The following PERP variants were observed in gnomAD, a reference collection of about 807,000 sequenced individuals.
PERP encodes the protein p53 apoptosis effector related to PMP22.
Under a neutral mutation model 20.3 loss-of-function variants are expected in PERP, and 11 were observed. The observed-to-expected ratio is 0.54, with a 90% confidence interval of 0.34 to 0.90. The LOEUF (loss-of-function observed/expected upper bound fraction) is 0.90, where lower values mean the gene tolerates loss of function less well. Among genes scored for constraint, PERP ranks in the 40% least tolerant of loss-of-function variants. PERP has a pLI of 0.02. For synonymous variants in PERP, 101 were observed against 102.0 expected (o/e 0.99, Z 0.06); for missense variants, 224 against 249.4 (o/e 0.90, Z 0.69).
chr6:138,103,332 A>G (rs1473975359), intron 1 of PERP, among the ~76,000 whole-genome samples: 2 of 151,726 alleles, frequency 1.3e-5, no homozygotes, highest in African/African-American at 4.8e-5. Context: ...TTGTATTTTT[A>G]GTAGAGACGG....
rs764198856 is a variant in PERP, at chr6:138,107,380, C to G, written c.-40G>C. 35 of 1,478,800 alleles carry G rather than the reference C, an allele frequency of 2.4e-5. No homozygotes were observed. In the South Asian group the frequency reaches 4.7e-4, roughly 20 times the overall value. The allele number at this position is 1,478,800 out of a possible 1,614,324, so 91.6% of individuals were successfully genotyped here. On this transcript the variant is annotated 5_prime_UTR_variant, in exon 1 of 3. Coordinates refer to ENST00000421351, the MANE Select transcript of PERP (RefSeq NM_022121.5). The surrounding 1 kb of genome is among the most constrained non-coding windows in gnomAD (Gnocchi z 4.8). ...CGGGGCCGAGCGGAGCGGAGCGGAG[C>G]GGGTCGGAGGAGCGCGCGGGACGGG... is the stretch of plus-strand genomic sequence containing the variant.
chr6:138,090,378 G>A lies in PERP; in HGVS notation c.*1664C>T, dbSNP rs537366526. 176 of 152,256 alleles carry A rather than the reference G, an allele frequency of 1.2e-3. No homozygotes were observed. The highest frequency in any genetic ancestry group is 4.0e-3 in the African/African-American group (165 of 41,518). The allele number at this position is 152,256 out of a possible 1,614,324, so 9.4% of individuals were successfully genotyped here. On this transcript the variant is annotated 3_prime_UTR_variant, in exon 3 of 3. Coordinates refer to ENST00000421351, the MANE Select transcript of PERP (RefSeq NM_022121.5). ...ATAACAAATGATAAAATGGGAAGGA[G>A]GGCAAGGGGAAAATAGAGAGACTGC...
In PERP at chr6:138,091,934, A is replaced by G; in HGVS notation, c.*108T>C. On this transcript the variant is annotated 3_prime_UTR_variant, in exon 3 of 3. Transcript: ENST00000421351. Reference sequence around the variant, plus strand: ...TATTTTAGCATTTTTGACTAGTTTAATAATATGAACACTGCCAAAAAATGG... The same window carrying G: ...TATTTTAGCATTTTTGACTAGTTTAGTAATATGAACACTGCCAAAAAATGG... 1 of 918,782 alleles carries G rather than the reference A, an allele frequency of 1.1e-6. No individual in the cohort carries two copies. Among genetic ancestry groups the G allele is most frequent in the South Asian group, 1.8e-5 (1 of 55,160 alleles). The allele number at this position is 918,782 out of a possible 1,614,324, so 56.9% of individuals were successfully genotyped here. A position where few individuals can be genotyped will look rare whatever the true frequency, so the allele number is the denominator to read the frequency against.
At position 138,088,547 on chromosome 6, in the gene PERP, T is replaced by A. The variant is rs1389828521; in HGVS notation, c.*3495A>T. ...ATTTTTGCAGCCAACAAAGTATGTTTTCGAGGTTAACAACGAAGCACAGGA... is the reference window on the plus strand; with the variant it reads ...ATTTTTGCAGCCAACAAAGTATGTTATCGAGGTTAACAACGAAGCACAGGA... On this transcript the variant is annotated 3_prime_UTR_variant, in exon 3 of 3. Coordinates refer to ENST00000421351, the MANE Select transcript of PERP (RefSeq NM_022121.5). 6.6e-6 allele frequency: 1 copy of A among 152,200 alleles called. No homozygotes were observed. The highest frequency in any genetic ancestry group is 1.9e-4 in the East Asian group (1 of 5,190). 9.4% of individuals were successfully genotyped at this position (152,200 alleles called of 1,614,324 possible). A position where few individuals can be genotyped will look rare whatever the true frequency, so the allele number is the denominator to read the frequency against.
rs1017787978 is a variant in PERP at position 138,089,121 on chromosome 6, A to G, written c.*2921T>C. The stretch of plus-strand genomic sequence containing the variant: ...TCATTTTACAGGTGAGGATATTGAG[A>G]CCAGCAGGGAGATGACCTGCCCAAG... On this transcript the variant is annotated 3_prime_UTR_variant, in exon 3 of 3. Transcript: ENST00000421351. 1 of 152,200 alleles carries G rather than the reference A, an allele frequency of 6.6e-6. No homozygotes were observed. Among genetic ancestry groups the G allele is most frequent in the Admixed American group, 6.5e-5 (1 of 15,280 alleles). The allele number at this position is 152,200 out of a possible 1,614,324, so 9.4% of individuals were successfully genotyped here.
At chr6:138,096,015 T>A (rs890941434) in intron 2 of PERP, among the ~76,000 whole-genome samples, 1 of 152,128 alleles carries the variant, frequency 6.6e-6, no homozygotes, top group Non-Finnish European at 1.5e-5. Context: ...AGGCCAGGGC[T>A]GGGGACCACA....
intron 2 of PERP, 69 bp from the exon 3 acceptor site, chr6:138,092,337 A>G (rs1330387580): frequency 1.5e-6 from 2 of 1,295,154 alleles, no homozygotes; most frequent in Non-Finnish European, 2.2e-6. Flanking sequence ...CACATTAGCG[A>G]CAGATTACCT....
chr6:138,107,361 C>G lies in PERP; in HGVS notation c.-21G>C, dbSNP rs891382361. On this transcript the variant is annotated 5_prime_UTR_variant, in exon 1 of 3. Coordinates refer to ENST00000421351, the MANE Select transcript of PERP (RefSeq NM_022121.5). The surrounding 1 kb of genome is among the most constrained non-coding windows in gnomAD (Gnocchi z 4.8). Reference sequence around the variant, plus strand: ...ATCATGTTGACGGGCGGCGCGGGGCCGAGCGGAGCGGAGCGGAGCGGGTCG... The same window carrying G: ...ATCATGTTGACGGGCGGCGCGGGGCGGAGCGGAGCGGAGCGGAGCGGGTCG... 2 of 1,564,144 alleles carry G rather than the reference C, an allele frequency of 1.3e-6. No individual in the cohort carries two copies. The highest frequency in any genetic ancestry group is 8.6e-7 in the Non-Finnish European group (1 of 1,161,170).
chr6:138,104,646 C>T (rs9484114), intron 1 of PERP, among the ~76,000 whole-genome samples: 67,883 of 152,028 alleles, frequency 0.45, 15,484 homozygotes, highest in East Asian at 0.71. Context: ...ATAGTTACAA[C>T]GGTAAATCAA....
chr6:138,093,549 T>C (rs1239531226), intron 2 of PERP, among the ~76,000 whole-genome samples: 3 of 152,316 alleles, frequency 2.0e-5, no homozygotes, highest in Middle Eastern at 3.4e-3. Flanking sequence ...TAGCAATCTC[T>C]TACTATTTAA....
At chr6:138,102,982 C>T (rs1469257636) in intron 1 of PERP, among the ~76,000 whole-genome samples, 1 of 151,586 alleles carries the variant, frequency 6.6e-6, no homozygotes, top group African/African-American at 2.4e-5. Context: ...GCCTGTAGTC[C>T]GAGCTACTCG....
At chr6:138,106,344 A>G (rs1178683322) in intron 1 of PERP, among the ~76,000 whole-genome samples, 4 of 152,146 alleles carry the variant, frequency 2.6e-5, no homozygotes, top group Admixed American at 1.3e-4. Context: ...GACAAGAACT[A>G]TGCTCCAGTC....
In PERP at chr6:138,092,519, T is replaced by C. The variant is rs569348245; in HGVS notation, c.356-251A>G. Among the ~76,000 whole-genome samples the C allele has an allele frequency of 8.5e-5, 13 of 152,218 alleles. 1 individual carries two copies. The highest frequency in any genetic ancestry group is 2.2e-4 in the African/African-American group (9 of 41,548). ...ATGTGAAAAACACACAAAAAAATCA[T>C]TGGAGATCCATTCTATATTACATAA... On this transcript the variant is annotated intron_variant, in intron 2 of 2. Coordinates refer to ENST00000421351, the MANE Select transcript of PERP (RefSeq NM_022121.5).
At position 138,107,080 on chromosome 6, in the gene PERP, C is replaced by A. The variant is rs748018323; in HGVS notation, c.214+47G>T. On this transcript the variant is annotated intron_variant, in intron 1 of 2. Transcript: ENST00000421351. This position sits in a 1 kb window ranked among gnomAD's most constrained non-coding sequence, Gnocchi z 4.8. The stretch of plus-strand genomic sequence containing the variant: ...GCGGCGGCTTTTGCAGGCCGCGGCC[C>A]CGAGGGCTTCCTGGAGGCGGCGACG... 1 of 1,561,722 alleles carries A rather than the reference C, an allele frequency of 6.4e-7. No individual in the cohort carries two copies. Among genetic ancestry groups the A allele is most frequent in the Non-Finnish European group, 8.7e-7 (1 of 1,155,592 alleles).
At chr6:138,094,802 C>A (rs996469833) in intron 2 of PERP, among the ~76,000 whole-genome samples, 3 of 152,148 alleles carry the variant, frequency 2.0e-5, no homozygotes, top group African/African-American at 7.2e-5. Flanking sequence ...CTCACTGCAA[C>A]CTCCACCTCC....
chr6:138,106,976 G>T (rs1775852765), intron 1 of PERP, 151 bp downstream of exon 1: 2 of 607,778 alleles, frequency 3.3e-6, no homozygotes. Flanking sequence ...GTTCAGGTCG[G>T]ATGCATGAGC....
Position 138,092,223 on chromosome 6 carries a change from G to A in PERP, c.401C>T (p.Thr134Ile), listed in dbSNP as rs149553286. 243 of 1,614,094 alleles carry A rather than the reference G, an allele frequency of 1.5e-4. No individual in the cohort carries two copies. The highest frequency in any genetic ancestry group is 1.9e-4 in the Non-Finnish European group (224 of 1,179,956). Residue 134 changes from threonine (T) to isoleucine (I), a missense_variant, in exon 3 of 3, where the codon ACC becomes ATC. By Grantham distance (89) the Thr-to-Ile change is moderately conservative (BLOSUM62 -1). Transcript: ENST00000421351. ...ISLVIYPVKY[T>I]QTFTLHANPA... ...GTTGGCATGAAGGGTGAAGGTCTGG[G>A]TGTACTTCACGGGGTAAATTACCAG...
At chr6:138,101,206 C>T (rs1375726978) in intron 1 of PERP, among the ~76,000 whole-genome samples, 4 of 152,074 alleles carry the variant, frequency 2.6e-5, no homozygotes, top group Non-Finnish European at 5.9e-5. Flanking sequence ...CCCATCTCTA[C>T]TAAAAATACA....
intron 1 of PERP, among the ~76,000 whole-genome samples, chr6:138,101,447 A>T (rs1303988046): frequency 6.6e-6 from 1 of 152,234 alleles, no homozygotes; most frequent in Non-Finnish European, 1.5e-5. Context: ...CAAGAAGAAC[A>T]TCATTAATAT....
Sources: allele counts gnomAD v4.1 joint callset (sites outside exome capture counted in the v4.1 genomes callset), GRCh38; gene constraint gnomAD v4.1.1; non-coding constraint Gnocchi (gnomAD v3.1); transcripts MANE v1.5; gene names NCBI Gene and HGNC (gene_info 2026-07-23, HGNC 2026-07-21).